Variants in PDGFRL observed in about 807,000 individuals in gnomAD.
The protein encoded by PDGFRL is platelet-derived growth factor receptor-like protein.
PDGFRL carries 46 observed loss-of-function variants against 37.2 expected under a neutral mutation model. The ratio of observed to expected loss-of-function variants is 1.24; its 90% confidence interval spans 0.98 to 1.58. The LOEUF is 1.58. Among genes scored for constraint, PDGFRL ranks in the 40% most tolerant of loss-of-function variants. The pLI, the probability that PDGFRL is intolerant of heterozygous loss-of-function variation, is 0.00. For missense variants in PDGFRL, 692 were observed against 467.6 expected (o/e 1.48, Z -4.43); for synonymous variants, 251 against 184.3 (o/e 1.36, Z -2.93).
chr8:17,595,420 A>G (rs1441421503), intron 2 of PDGFRL, among the ~76,000 whole-genome samples: 1 of 152,112 alleles, frequency 6.6e-6, no homozygotes, highest in Non-Finnish European at 1.5e-5. Flanking sequence ...GGTAGGGGCC[A>G]TGCCCCACCT....
chr8:17,585,152 G>C (rs556858581), intron 1 of PDGFRL, among the ~76,000 whole-genome samples: 1 of 152,134 alleles, frequency 6.6e-6, no homozygotes, highest in Non-Finnish European at 1.5e-5. Context: ...ATAATGATCA[G>C]TGAGGATGAC....
intron 1 of PDGFRL, among the ~76,000 whole-genome samples, chr8:17,580,918 C>A (rs1439672600): frequency 6.6e-6 from 1 of 151,202 alleles, no homozygotes; most frequent in African/African-American, 2.4e-5. Flanking sequence ...GCCATGTGAC[C>A]ATCTTCTCCC....
chr8:17,596,713 A>G (rs1327291343), intron 2 of PDGFRL, among the ~76,000 whole-genome samples: 1 of 152,190 alleles, frequency 6.6e-6, no homozygotes, highest in Admixed American at 6.5e-5. Flanking sequence ...GAGCCTTAGA[A>G]GAAAGTAATG....
At chr8:17,579,922 C>G (rs917005936) in intron 1 of PDGFRL, among the ~76,000 whole-genome samples, 1 of 152,048 alleles carries the variant, frequency 6.6e-6, no homozygotes, top group Non-Finnish European at 1.5e-5. Context: ...TCAATCATAG[C>G]ACCTGATTTT....
At chr8:17,630,055 T>G (rs1392714898) in intron 4 of PDGFRL, among the ~76,000 whole-genome samples, 1 of 152,130 alleles carries the variant, frequency 6.6e-6, no homozygotes. Flanking sequence ...ATGCCTGTAC[T>G]CAGAGAGTTA....
intron 5 of PDGFRL, among the ~76,000 whole-genome samples, chr8:17,639,478 C>G (rs775921194): frequency 6.6e-6 from 1 of 152,036 alleles, no homozygotes; most frequent in African/African-American, 2.4e-5. Context: ...TTTGTAGTGG[C>G]GAATTTTCTC....
At chr8:17,639,589 G>A (rs1341203818) in intron 5 of PDGFRL, among the ~76,000 whole-genome samples, 1 of 152,160 alleles carries the variant, frequency 6.6e-6, no homozygotes, top group East Asian at 1.9e-4. Context: ...TGTTTAAGGA[G>A]GCTGAAGGTA....
intron 2 of PDGFRL, among the ~76,000 whole-genome samples, chr8:17,607,494 T>C (rs1189640133): frequency 6.6e-6 from 1 of 152,234 alleles, no homozygotes; most frequent in African/African-American, 2.4e-5. Flanking sequence ...CCCAGATGTG[T>C]TGCACAGAAT....
In PDGFRL at chr8:17,577,264, G is replaced by GC; in HGVS notation, c.13dup (p.Leu5ProfsTer33). On this transcript the variant is annotated frameshift_variant, in exon 1 of 6. Coordinates refer to ENST00000251630, the MANE Select transcript of PDGFRL (RefSeq NM_001372073.1). LOFTEE classifies it high-confidence loss of function. ...CCGAGGTTCCCGAGATGAAGGTCTG[G>GC]CTGCTGCTTGGTCTTCTGCTGGTGC... 1 of 1,612,926 alleles carries GC rather than the reference G, an allele frequency of 6.2e-7. No individual in the cohort carries two copies. Among genetic ancestry groups the GC allele is most frequent in the Non-Finnish European group, 8.5e-7 (1 of 1,179,634 alleles).
chr8:17,594,169 G>T (rs578047196), intron 2 of PDGFRL, among the ~76,000 whole-genome samples: 44 of 151,952 alleles, frequency 2.9e-4, no homozygotes, highest in Middle Eastern at 3.4e-3. Context: ...TGTCCTCAAA[G>T]TTCTTTGATG....
At chr8:17,609,911 C>T (rs989677998) in intron 2 of PDGFRL, among the ~76,000 whole-genome samples, 2 of 152,154 alleles carry the variant, frequency 1.3e-5, no homozygotes, top group African/African-American at 4.8e-5. Context: ...TCTGATGTTA[C>T]TCAGAAGATT....
intron 1 of PDGFRL, among the ~76,000 whole-genome samples, chr8:17,583,563 G>A (rs1341618818): frequency 6.6e-6 from 1 of 152,084 alleles, no homozygotes; most frequent in African/African-American, 2.4e-5. Flanking sequence ...AGTTTTGGGG[G>A]GCCAGAGGTG....
chr8:17,628,468 G>A lies in PDGFRL; in HGVS notation c.506-19G>A. ...GCGTCTCCGGAGTGAATAAGCCTGTGTCTTCCTTCCCTTTGCAGAGAAAGG... is the reference window on the plus strand; with the variant it reads ...GCGTCTCCGGAGTGAATAAGCCTGTATCTTCCTTCCCTTTGCAGAGAAAGG... On this transcript the variant is annotated intron_variant, in intron 3 of 5. Transcript: ENST00000251630. 1 of 1,608,416 alleles carries A rather than the reference G, an allele frequency of 6.2e-7. No individual in the cohort carries two copies. The highest frequency in any genetic ancestry group is 8.5e-7 in the Non-Finnish European group (1 of 1,174,934).
chr8:17,611,658 C>T (rs13249125), intron 2 of PDGFRL, among the ~76,000 whole-genome samples: 22,393 of 152,068 alleles, frequency 0.15, 1,761 homozygotes, highest in South Asian at 0.23. Flanking sequence ...AGCTTAAGGG[C>T]TGGGAGAGCA....
At chr8:17,578,144 A>G (rs1392705281) in intron 1 of PDGFRL, among the ~76,000 whole-genome samples, 2 of 152,024 alleles carry the variant, frequency 1.3e-5, no homozygotes. Context: ...CATGGGTGTT[A>G]TTTGTACAGT....
chr8:17,618,486 T>C (rs1349267453), intron 2 of PDGFRL, among the ~76,000 whole-genome samples: 5 of 152,240 alleles, frequency 3.3e-5, no homozygotes, highest in Non-Finnish European at 5.9e-5. Flanking sequence ...GATAACACAA[T>C]GAATCAGGCA....
chr8:17,627,543 A>G (rs1299167261), intron 3 of PDGFRL, among the ~76,000 whole-genome samples: 1 of 150,612 alleles, frequency 6.6e-6, no homozygotes, highest in African/African-American at 2.4e-5. Context: ...CTCAGCTCAC[A>G]GCAACCTCTG....
At chr8:17,597,620 G>T (rs1249170269) in intron 2 of PDGFRL, among the ~76,000 whole-genome samples, 6 of 152,108 alleles carry the variant, frequency 3.9e-5, no homozygotes, top group Non-Finnish European at 7.4e-5. Context: ...GATGTATCTG[G>T]CTTTATTCAT....
Position 17,589,696 on chromosome 8 carries a change from G to C in PDGFRL, c.284G>C (p.Arg95Pro). The C allele has an allele frequency of 6.2e-7, 1 of 1,613,472 alleles. No homozygotes were observed. The highest frequency in any genetic ancestry group is 8.5e-7 in the Non-Finnish European group (1 of 1,179,472). Residue 95 changes from arginine (R) to proline (P), a missense_variant, in exon 2 of 6, where the codon CGA (arginine) becomes CCA (proline). Arg to Pro is a moderately radical substitution (Grantham distance 103, BLOSUM62 -2). Transcript: ENST00000251630. Reference sequence around the variant, plus strand: ...CTGGCGGGGCAAACTGTAGAGCTTCGATGTAAAGGGAGTAGAATTGGGTGG... The same window carrying C: ...CTGGCGGGGCAAACTGTAGAGCTTCCATGTAAAGGGAGTAGAATTGGGTGG... The part of the protein sequence containing the change: ...SLLAGQTVEL[R>P]CKGSRIGWSY...
Sources: allele counts gnomAD v4.1 joint callset (sites outside exome capture counted in the v4.1 genomes callset), GRCh38; gene constraint gnomAD v4.1.1; transcripts MANE v1.5; gene names NCBI Gene and HGNC (gene_info 2026-07-23, HGNC 2026-07-21).